TAF3: variants seen among roughly 807,000 people sequenced by gnomAD.
TAF3 encodes transcription initiation factor TFIID subunit 3.
Under a neutral mutation model 80.6 loss-of-function variants are expected in TAF3, and 7 were observed. That is an observed-to-expected ratio of 0.09 (90% CI 0.05 to 0.16). The LOEUF (loss-of-function observed/expected upper bound fraction) is 0.16, where lower values mean the gene tolerates loss of function less well. Ranked by LOEUF, TAF3 falls within the 10% of genes least tolerant of loss-of-function variation. The pLI, the probability that TAF3 is intolerant of heterozygous loss-of-function variation, is 1.00. For synonymous variants in TAF3, 444 were observed against 446.1 expected, an observed-to-expected ratio of 1.00 and a Z score of 0.06; for missense variants, 921 against 1,140.2, an observed-to-expected ratio of 0.81 and a Z score of 2.77.
rs749821969 is a variant in TAF3, at chr10:7,959,163, C to CAA, written c.410-4751_410-4750dup. The stretch of plus-strand genomic sequence containing the variant: ...TCACACACACACACACACACACACA[C>CAA]AAAAAAAGTTTCAGGCTTTTTTTTC... On this transcript the variant is annotated intron_variant, in intron 2 of 6. Transcript: ENST00000344293. Among the ~76,000 whole-genome samples, 4 of 96,238 alleles carry CAA rather than the reference C, an allele frequency of 4.2e-5. No individual in the cohort carries two copies. The South Asian group carries it at 1.2e-3, about 29-fold the overall frequency. 63.1% of individuals were successfully genotyped at this position (96,238 alleles called of 152,430 possible). A position where few individuals can be genotyped will look rare whatever the true frequency, so the allele number is the denominator to read the frequency against.
intron 2 of TAF3, among the ~76,000 whole-genome samples, chr10:7,885,659 CT>C (rs1269849868): frequency 6.6e-6 from 1 of 152,196 alleles, no homozygotes; most frequent in Admixed American, 6.5e-5. Context: ...TCAAATGCTT[CT>C]TTCTGTGCCT....
chr10:7,926,674 G>A (rs1837817850), intron 2 of TAF3, among the ~76,000 whole-genome samples: 1 of 151,962 alleles, frequency 6.6e-6, no homozygotes, highest in Admixed American at 6.6e-5. Context: ...AACAAAATTT[G>A]TCTTTAAAAT....
At chr10:7,935,508 C>T (rs1411041845) in intron 2 of TAF3, among the ~76,000 whole-genome samples, 4 of 147,264 alleles carry the variant, frequency 2.7e-5, no homozygotes, top group African/African-American at 7.6e-5. Context: ...GGCGTGAACC[C>T]GGGAGGCGGA....
intron 2 of TAF3, among the ~76,000 whole-genome samples, chr10:7,872,213 A>ATTTTTTTTTTTTTTTTTTTTTT (rs34945620): frequency 5.7e-5 from 7 of 121,972 alleles, no homozygotes; most frequent in Non-Finnish European, 8.2e-5. Flanking sequence ...TGTTGGGTTG[A>ATTTTTTTTTTTTTTTTTTTTTT]TTTTTTTTTT....
intron 3 of TAF3, among the ~76,000 whole-genome samples, chr10:7,967,847 C>T (rs577911803): frequency 6.6e-6 from 1 of 152,234 alleles, no homozygotes; most frequent in African/African-American, 2.4e-5. Context: ...GGCAGGTCAG[C>T]TATTAATAGG....
In TAF3 at chr10:8,014,962, G is replaced by A. The variant is rs1477792138; in HGVS notation, c.*211G>A. The A allele has an allele frequency of 1.4e-5, 6 of 440,370 alleles. No homozygotes were observed. The highest frequency in any genetic ancestry group is 6.2e-4 in the Middle Eastern group (1 of 1,626). The allele number at this position is 440,370 out of a possible 1,614,324, so 27.3% of individuals were successfully genotyped here. ...TGGCTCCGTGGCAGTGCGACAGAAG[G>A]AAACTCAAGCAGAGGCGTGGCCTGG... On this transcript the variant is annotated 3_prime_UTR_variant, in exon 7 of 7. Transcript: ENST00000344293.
At chr10:7,870,127 G>A (rs1412708280) in intron 2 of TAF3, among the ~76,000 whole-genome samples, 3 of 152,108 alleles carry the variant, frequency 2.0e-5, no homozygotes, top group South Asian at 2.1e-4. Flanking sequence ...TTAAGGACTC[G>A]CTCTAAAGAC....
intron 2 of TAF3, among the ~76,000 whole-genome samples, chr10:7,860,807 T>TC (rs1424587258): frequency 2.7e-5 from 4 of 150,868 alleles, no homozygotes; most frequent in Non-Finnish European, 4.4e-5. Flanking sequence ...TTTCTTTCTT[T>TC]TTTTTTTTTT....
At chr10:7,855,929 AAAAAAAAAAGAC>A (rs886621749) in intron 2 of TAF3, among the ~76,000 whole-genome samples, 2 of 149,336 alleles carry the variant, frequency 1.3e-5, no homozygotes, top group African/African-American at 5.0e-5. Context: ...ACAAAAAGGA[AAAAAAAAAAGAC>A]AAAAAAAAAA....
At chr10:7,907,144 G>A (rs968756546) in intron 2 of TAF3, among the ~76,000 whole-genome samples, 5 of 152,172 alleles carry the variant, frequency 3.3e-5, no homozygotes, top group Admixed American at 6.5e-5. Flanking sequence ...ATATGGAGTA[G>A]CAGCAGCACA....
At chr10:7,940,218 G>T (rs1020722862) in intron 2 of TAF3, among the ~76,000 whole-genome samples, 10 of 152,202 alleles carry the variant, frequency 6.6e-5, no homozygotes, top group Non-Finnish European at 1.5e-4. Context: ...TGTTAGGTCA[G>T]AGGGTAGAAT....
In TAF3 at chr10:7,965,558, C is replaced by T. The variant is rs1831562150; in HGVS notation, c.2048C>T (p.Pro683Leu). 3 of 1,599,160 alleles carry T rather than the reference C, an allele frequency of 1.9e-6. No homozygotes were observed. Among genetic ancestry groups the T allele is most frequent in the Non-Finnish European group, 2.6e-6 (3 of 1,176,396 alleles). Residue 683 changes from proline (P) to leucine (L), a missense_variant, in exon 3 of 7, where the codon CCA becomes CTA. This residue lies in a region of TAF3 where 743 missense variants were observed against 821.0 expected (regional missense o/e 0.90). Coordinates refer to ENST00000344293, the MANE Select transcript of TAF3 (RefSeq NM_031923.4). ...RVPAMLPSLL[P>L]VLPEKLFEEK... Reference sequence around the variant, plus strand: ...CCAGCCATGCTGCCATCTTTGTTGCCAGTGCTTCCGGAAAAACTGTTTGAG... The same window carrying T: ...CCAGCCATGCTGCCATCTTTGTTGCTAGTGCTTCCGGAAAAACTGTTTGAG...
intron 4 of TAF3, among the ~76,000 whole-genome samples, chr10:7,986,655 G>A (rs554972156): frequency 9.9e-5 from 15 of 152,212 alleles, no homozygotes; most frequent in South Asian, 2.1e-4. Flanking sequence ...TGTAACTTCC[G>A]CTCAGCATCT....
Position 7,824,523 on chromosome 10 carries a change from T to A in TAF3, c.372T>A (p.Ile124=). The A allele has an allele frequency of 6.2e-7, 1 of 1,614,174 alleles. No homozygotes were observed. Among genetic ancestry groups the A allele is most frequent in the Non-Finnish European group, 8.5e-7 (1 of 1,180,016 alleles). The part of the protein sequence containing the change: ...SKDAEERKEY[I]PDYLPPIVSS... ...ATGCAGAGGAAAGAAAAGAATACATTCCTGATTACCTGCCACCCATTGTGT... is the reference window on the plus strand; with the variant it reads ...ATGCAGAGGAAAGAAAAGAATACATACCTGATTACCTGCCACCCATTGTGT... The change falls in exon 2 of 7, where the codon ATT becomes ATA. Residue 124 remains isoleucine, a synonymous_variant. Coordinates refer to ENST00000344293, the MANE Select transcript of TAF3 (RefSeq NM_031923.4).
chr10:7,831,995 C>G (rs1323876703), intron 2 of TAF3, among the ~76,000 whole-genome samples: 1 of 151,998 alleles, frequency 6.6e-6, no homozygotes, highest in African/African-American at 2.4e-5. Context: ...TTAAGTCAAG[C>G]TAGTTAACAT....
chr10:8,005,388 G>T (rs922204949), intron 4 of TAF3, among the ~76,000 whole-genome samples: 6 of 152,160 alleles, frequency 3.9e-5, no homozygotes, highest in Non-Finnish European at 8.8e-5. Context: ...ATTGTGCTGT[G>T]TGCCTGGGCA....
chr10:8,002,184 A>C (rs1831950994), intron 4 of TAF3, among the ~76,000 whole-genome samples: 1 of 152,140 alleles, frequency 6.6e-6, no homozygotes, highest in Admixed American at 6.5e-5. Flanking sequence ...TCCATTAACC[A>C]ACAACTGAAA....
At chr10:7,883,435 T>C (rs1451212569) in intron 2 of TAF3, among the ~76,000 whole-genome samples, 1 of 152,248 alleles carries the variant, frequency 6.6e-6, no homozygotes, top group African/African-American at 2.4e-5. Context: ...ACTGATTTGA[T>C]GGTAATTTTA....
chr10:7,921,681 A>G lies in TAF3; in HGVS notation c.410-42239A>G, dbSNP rs142961751. ...CCACCAAAGTTTGAAAATGATTACT[A>G]CAGAGAATATTTCAGGTAAGGTTGT... On this transcript the variant is annotated intron_variant, in intron 2 of 6. Coordinates refer to ENST00000344293, the MANE Select transcript of TAF3 (RefSeq NM_031923.4). 9.2e-5 allele frequency among the ~76,000 whole-genome samples: 14 copies of G among 152,286 alleles called. No homozygotes were observed. The Middle Eastern group carries it at 0.02, about 222-fold the overall frequency.
Sources: gnomAD v4.1 joint callset for allele counts (sites outside exome capture counted in the v4.1 genomes callset) on GRCh38, gnomAD v4.1.1 for gene constraint, gnomAD v4.1.1 regional missense constraint, MANE v1.5 for transcripts, NCBI Gene and HGNC (gene_info 2026-07-23, HGNC 2026-07-21) for gene names.